Variants in SLC9C1 observed in about 807,000 individuals in gnomAD.
SLC9C1 encodes sodium/hydrogen exchanger 10.
SLC9C1 carries 97 observed loss-of-function variants against 140.9 expected under a neutral mutation model. The observed-to-expected ratio is 0.69, with a 90% CI of 0.58 to 0.82. The LOEUF is 0.82. SLC9C1 is among the 40% of genes least tolerant of loss of function. The pLI is 0.00. For synonymous variants in SLC9C1, 440 were observed against 442.6 expected (o/e 0.99, Z 0.07); for missense variants, 1,340 against 1,389.3 (o/e 0.96, Z 0.56).
chr3:112,184,568 G>C (rs374475017), intron 20 of SLC9C1, among the ~76,000 whole-genome samples: 1 of 152,062 alleles, frequency 6.6e-6, no homozygotes, highest in Admixed American at 6.5e-5. Context: ...CCCGGGAGAC[G>C]GGGGTTGCAG....
intron 28 of SLC9C1, among the ~76,000 whole-genome samples, chr3:112,146,943 CA>C (rs2074813077): frequency 6.6e-6 from 1 of 152,154 alleles, no homozygotes. Flanking sequence ...CCTTTTCATA[CA>C]CCTAGAAGTA....
At chr3:112,243,406 T>G (rs1270527908) in intron 11 of SLC9C1, among the ~76,000 whole-genome samples, 1 of 152,204 alleles carries the variant, frequency 6.6e-6, no homozygotes, top group African/African-American at 2.4e-5. Flanking sequence ...AGTGAATTAA[T>G]GCAGGAGCAG....
intron 6 of SLC9C1, among the ~76,000 whole-genome samples, chr3:112,270,827 G>C (rs2080053192): frequency 6.6e-6 from 1 of 152,012 alleles, no homozygotes; most frequent in South Asian, 2.1e-4. Context: ...AAAAAAAAGG[G>C]TACCAGTTGA....
At chr3:112,229,727 A>G (rs931131012) in intron 13 of SLC9C1, among the ~76,000 whole-genome samples, 1 of 152,072 alleles carries the variant, frequency 6.6e-6, no homozygotes, top group African/African-American at 2.4e-5. Flanking sequence ...GAGTCCAGCT[A>G]GAAGGGATAT....
intron 15 of SLC9C1, among the ~76,000 whole-genome samples, chr3:112,212,699 G>A (rs977212195): frequency 1.3e-5 from 2 of 152,154 alleles, no homozygotes; most frequent in African/African-American, 4.8e-5. Flanking sequence ...AGAAATATGG[G>A]ACTATGTGAA....
intron 6 of SLC9C1, among the ~76,000 whole-genome samples, chr3:112,272,092 A>G (rs555273325): frequency 1.4e-4 from 21 of 152,268 alleles, no homozygotes; most frequent in African/African-American, 4.8e-4. Context: ...GGAACTACAC[A>G]TGCCTCTAGG....
At chr3:112,238,778 G>A (rs113062905) in intron 12 of SLC9C1, among the ~76,000 whole-genome samples, 3,231 of 152,296 alleles carry the variant, frequency 0.021, 114 homozygotes, top group African/African-American at 0.074. Flanking sequence ...AGCGAATATT[G>A]CTGAACAGGC....
chr3:112,172,330 G>T (rs1198381274), intron 23 of SLC9C1, among the ~76,000 whole-genome samples: 5 of 151,598 alleles, frequency 3.3e-5, no homozygotes, highest in African/African-American at 1.2e-4. Flanking sequence ...GATTATTTTT[G>T]TAAAAAGAAT....
chr3:112,231,706 T>G (rs566021706), intron 12 of SLC9C1, among the ~76,000 whole-genome samples: 1 of 152,270 alleles, frequency 6.6e-6, no homozygotes, highest in Admixed American at 6.5e-5. Flanking sequence ...AGGAGTTATA[T>G]CATATCTTTA....
intron 10 of SLC9C1, among the ~76,000 whole-genome samples, chr3:112,246,090 C>T (rs995539231): frequency 3.9e-5 from 6 of 152,128 alleles, no homozygotes; most frequent in African/African-American, 1.4e-4. Flanking sequence ...TTATTTCAAG[C>T]AACCTTTTTG....
At chr3:112,166,125 A>G (rs1453922319) in intron 26 of SLC9C1, among the ~76,000 whole-genome samples, 1 of 152,176 alleles carries the variant, frequency 6.6e-6, no homozygotes, top group Non-Finnish European at 1.5e-5. Context: ...GGAAAAGCAC[A>G]GTATTAGGGT....
chr3:112,159,298 T>TA (rs1019580276), intron 26 of SLC9C1, among the ~76,000 whole-genome samples: 7 of 152,106 alleles, frequency 4.6e-5, no homozygotes, highest in African/African-American at 1.7e-4. Flanking sequence ...TTCACGTATT[T>TA]AAAAAAACTT....
chr3:112,142,468 C>T (rs927408190), intron 28 of SLC9C1, among the ~76,000 whole-genome samples: 2 of 151,924 alleles, frequency 1.3e-5, no homozygotes, highest in East Asian at 3.9e-4. Context: ...TTTTTTGGAC[C>T]ATTCTTGAAC....
At chr3:112,242,285 T>C (rs2079157419) in intron 11 of SLC9C1, among the ~76,000 whole-genome samples, 1 of 152,108 alleles carries the variant, frequency 6.6e-6, no homozygotes, top group Non-Finnish European at 1.5e-5. Context: ...AAAGGTTAAG[T>C]GTCCATCAAC....
intron 26 of SLC9C1, among the ~76,000 whole-genome samples, chr3:112,165,660 TG>T (rs2077112417): frequency 6.6e-6 from 1 of 152,228 alleles, no homozygotes. Flanking sequence ...CCTAGCCATT[TG>T]AGGTGTCAGT....
chr3:112,267,223 G>A (rs1026158816), intron 7 of SLC9C1, among the ~76,000 whole-genome samples: 1 of 152,160 alleles, frequency 6.6e-6, no homozygotes, highest in African/African-American at 2.4e-5. Context: ...AGGCTGCAGT[G>A]AGCCATGATC....
chr3:112,170,076 G>C (rs1294495198), intron 23 of SLC9C1, among the ~76,000 whole-genome samples: 2 of 152,076 alleles, frequency 1.3e-5, no homozygotes. Context: ...CTAGACATTG[G>C]TGTAGGCAAA....
intron 22 of SLC9C1, 48 bp from the exon 23 acceptor site, chr3:112,179,749 T>C: frequency 6.7e-7 from 1 of 1,484,452 alleles, no homozygotes; most frequent in Non-Finnish European, 9.0e-7. Context: ...AGTTAACTTG[T>C]ATTACCAAAA....
intron 26 of SLC9C1, among the ~76,000 whole-genome samples, chr3:112,159,749 C>T (rs925615805): frequency 3.3e-5 from 5 of 152,088 alleles, no homozygotes; most frequent in Admixed American, 1.3e-4. Context: ...TGATGTTTAG[C>T]GCATACGTAT....
Sources: allele counts gnomAD v4.1 joint callset (sites outside exome capture counted in the v4.1 genomes callset), GRCh38; gene constraint gnomAD v4.1.1; transcripts MANE v1.5; gene names NCBI Gene and HGNC (gene_info 2026-07-23, HGNC 2026-07-21).